The following PPP2R2A variants were observed in gnomAD, a reference collection of about 807,000 sequenced individuals.
PPP2R2A encodes the protein serine/threonine-protein phosphatase 2A 55 kDa regulatory subunit B alpha isoform.
In PPP2R2A, 9 loss-of-function variants were observed where a neutral mutation model predicts 53.2. The ratio of observed to expected loss-of-function variants is 0.17; its 90% CI spans 0.10 to 0.30. PPP2R2A has a LOEUF of 0.30. PPP2R2A is among the 10% of genes least tolerant of loss of function. The pLI is 1.00. For missense variants in PPP2R2A, 235 were observed against 534.6 expected, an observed-to-expected ratio of 0.44 and a Z score of 5.53; for synonymous variants, 169 against 174.2, an observed-to-expected ratio of 0.97 and a Z score of 0.23.
chr8:26,308,941 G>T (rs1802149974), intron 2 of PPP2R2A, among the ~76,000 whole-genome samples: 1 of 152,088 alleles, frequency 6.6e-6, no homozygotes, highest in Admixed American at 6.6e-5. Context: ...GCTCACTGCA[G>T]CCTTGACTTC....
intron 2 of PPP2R2A, among the ~76,000 whole-genome samples, chr8:26,308,203 G>A (rs1204720208): frequency 6.6e-6 from 1 of 152,210 alleles, no homozygotes; most frequent in African/African-American, 2.4e-5. Flanking sequence ...GCCAGTAGAG[G>A]ATCTTATCTT....
intron 2 of PPP2R2A, among the ~76,000 whole-genome samples, chr8:26,305,757 G>A (rs1801988719): frequency 6.6e-6 from 1 of 152,136 alleles, no homozygotes. Context: ...TTTTACAGAT[G>A]ATACTAGAGT....
chr8:26,363,602 T>A, intron 7 of PPP2R2A, 119 bp from the exon 8 acceptor site: 1 of 866,516 alleles, frequency 1.2e-6, no homozygotes, highest in South Asian at 3.0e-5. Flanking sequence ...CAGTTCTTTA[T>A]TAGCCTGGCA....
rs185887956 is a variant in PPP2R2A at position 26,316,073 on chromosome 8, C to T, written c.82+22333C>T. On this transcript the variant is annotated intron_variant, in intron 2 of 9. Transcript: ENST00000380737. Reference sequence around the variant, plus strand: ...AGGCTGGAGTACAACGGTGCGACCTCGGCTCACTGCAGCCTCCGCCTCCTG... The same window carrying T: ...AGGCTGGAGTACAACGGTGCGACCTTGGCTCACTGCAGCCTCCGCCTCCTG... Among the ~76,000 whole-genome samples, 151 of 152,218 alleles carry T rather than the reference C, an allele frequency of 9.9e-4. 1 individual carries two copies. Among genetic ancestry groups the T allele is most frequent in the African/African-American group, 3.4e-3 (143 of 41,526 alleles).
At chr8:26,295,649 C>T (rs998535044) in intron 2 of PPP2R2A, among the ~76,000 whole-genome samples, 2 of 152,086 alleles carry the variant, frequency 1.3e-5, no homozygotes, top group East Asian at 1.9e-4. Context: ...AATATTTTAA[C>T]GTAAGCATAT....
chr8:26,333,477 T>G (rs1344220497), intron 2 of PPP2R2A: 5 of 1,212,242 alleles, frequency 4.1e-6, no homozygotes, highest in Non-Finnish European at 5.4e-6. Context: ...TTTGATTAAT[T>G]TCTTTCAGAT....
intron 2 of PPP2R2A, among the ~76,000 whole-genome samples, chr8:26,301,516 T>A (rs775865542): frequency 6.6e-6 from 1 of 151,922 alleles, no homozygotes; most frequent in African/African-American, 2.4e-5. Flanking sequence ...AAAATTTTTT[T>A]TTGTAGAGAC....
At chr8:26,300,875 C>G (rs1485123941) in intron 2 of PPP2R2A, among the ~76,000 whole-genome samples, 2 of 152,050 alleles carry the variant, frequency 1.3e-5, no homozygotes, top group Non-Finnish European at 1.5e-5. Flanking sequence ...AAGAAAAAGC[C>G]TAGGTGCAAA....
chr8:26,361,094 T>C lies in PPP2R2A; in HGVS notation c.580T>C (p.Ser194Pro), dbSNP rs1192683727. 1 of 1,602,330 alleles carries C rather than the reference T, an allele frequency of 6.2e-7. No individual in the cohort carries two copies. Among genetic ancestry groups the C allele is most frequent in the Non-Finnish European group, 8.5e-7 (1 of 1,177,508 alleles). ...TAATAGTGATTATGAAACATATTTATCTGCAGATGATTTGCGGATTAATCT... is the reference window on the plus strand; with the variant it reads ...TAATAGTGATTATGAAACATATTTACCTGCAGATGATTTGCGGATTAATCT... Reference protein sequence around the residue: ...SINSDYETYLSADDLRINLWH... With the variant: ...SINSDYETYLPADDLRINLWH... The change falls in exon 6 of 10, where the codon TCT becomes CCT. Residue 194 changes from serine to proline, a missense_variant. Around this residue, in one of 3 missense-constraint regions of PPP2R2A, gnomAD observed 181 missense variants for 409.9 expected, o/e 0.44. Coordinates refer to ENST00000380737, the MANE Select transcript of PPP2R2A (RefSeq NM_002717.4).
chr8:26,307,201 C>G lies in PPP2R2A; in HGVS notation c.82+13461C>G, dbSNP rs147165597. Reference sequence around the variant, plus strand: ...GGTTGTACACATTTGGAATTTACATCTAGATGTGTAATTAGTGGACTCTAA... The same window carrying G: ...GGTTGTACACATTTGGAATTTACATGTAGATGTGTAATTAGTGGACTCTAA... On this transcript the variant is annotated intron_variant, in intron 2 of 9. Transcript: ENST00000380737. Among the ~76,000 whole-genome samples the G allele has an allele frequency of 7.2e-5, 11 of 152,268 alleles. No homozygotes were observed. The East Asian group carries it at 1.9e-3, about 27-fold the overall frequency.
In PPP2R2A at chr8:26,363,752, G is replaced by A; in HGVS notation, c.834G>A (p.Arg278=). The A allele has an allele frequency of 6.3e-7, 1 of 1,599,828 alleles. No homozygotes were observed. Among genetic ancestry groups the A allele is most frequent in the East Asian group, 2.2e-5 (1 of 44,584 alleles). ...LFEEPEDPSN[R]SFFSEIISSI... is the part of the protein sequence containing the mutation. ...AAGAACCTGAAGATCCCAGTAACAG[G>A]TCATTTTTTTCCGAAATCATCTCCT... The change falls in exon 8 of 10, where the codon AGG becomes AGA. Residue 278 remains arginine, a synonymous_variant. Transcript: ENST00000380737.
At position 26,360,969 on chromosome 8, in the gene PPP2R2A, G is replaced by T; in HGVS notation, c.460-5G>T. ...ATTTCTGTTTTTCATGTGTCTTATT[G>T]ACAGGTGCCAGTCTTTAGGCCTATG... On this transcript the variant is annotated splice_polypyrimidine_tract_variant and splice_region_variant and intron_variant, in intron 5 of 9. Coordinates refer to ENST00000380737, the MANE Select transcript of PPP2R2A (RefSeq NM_002717.4). This position sits in a 1 kb window ranked among gnomAD's most constrained non-coding sequence, Gnocchi z 4.5. The T allele has an allele frequency of 6.3e-7, 1 of 1,583,262 alleles. No homozygotes were observed. Among genetic ancestry groups the T allele is most frequent in the South Asian group, 1.2e-5 (1 of 84,222 alleles).
intron 9 of PPP2R2A, among the ~76,000 whole-genome samples, chr8:26,369,924 G>T (rs897761642): frequency 6.6e-6 from 1 of 152,116 alleles, no homozygotes; most frequent in Non-Finnish European, 1.5e-5. Context: ...TGATAGTTTT[G>T]GTAGCCATAA....
At chr8:26,308,520 C>A (rs1394383576) in intron 2 of PPP2R2A, among the ~76,000 whole-genome samples, 1 of 152,184 alleles carries the variant, frequency 6.6e-6, no homozygotes, top group Non-Finnish European at 1.5e-5. Flanking sequence ...TCTCAAGAAA[C>A]CATTTTCTTT....
chr8:26,309,377 A>G (rs942046182), intron 2 of PPP2R2A, among the ~76,000 whole-genome samples: 1 of 152,212 alleles, frequency 6.6e-6, no homozygotes, highest in African/African-American at 2.4e-5. Context: ...AAACAGTGCT[A>G]TAAACAGATG....
chr8:26,330,577 G>A (rs767829039), intron 2 of PPP2R2A, among the ~76,000 whole-genome samples: 2 of 151,982 alleles, frequency 1.3e-5, no homozygotes, highest in Non-Finnish European at 2.9e-5. Flanking sequence ...TGATCCACCC[G>A]CCTCAGTGCT....
intron 8 of PPP2R2A, 151 bp from the exon 9 acceptor site, chr8:26,366,164 A>G (rs1805363619): frequency 1.6e-6 from 1 of 617,872 alleles, no homozygotes. Flanking sequence ...AAAAGGACAA[A>G]ATGCCTTTAT....
At position 26,362,930 on chromosome 8, in the gene PPP2R2A, C is replaced by G. The variant is rs1805185318; in HGVS notation, c.802+82C>G. 2 of 1,380,704 alleles carry G rather than the reference C, an allele frequency of 1.4e-6. No individual in the cohort carries two copies. Among genetic ancestry groups the G allele is most frequent in the South Asian group, 1.2e-5 (1 of 80,954 alleles). The allele number at this position is 1,380,704 out of a possible 1,614,324, so 85.5% of individuals were successfully genotyped here. On this transcript the variant is annotated intron_variant, in intron 7 of 9. Transcript: ENST00000380737. The surrounding 1 kb of genome is among the most constrained non-coding windows in gnomAD (Gnocchi z 4.4). ...GCCTCAGACATGATAAGTACAATTA[C>G]AGAGGTTCAAAGTCTTAAACCCGTG...
chr8:26,370,072 T>C lies in PPP2R2A; in HGVS notation c.1065-62T>C. On this transcript the variant is annotated intron_variant, in intron 9 of 9. Coordinates refer to ENST00000380737, the MANE Select transcript of PPP2R2A (RefSeq NM_002717.4). The surrounding 1 kb of genome is among the most constrained non-coding windows in gnomAD (Gnocchi z 6.1). ...TTCCTATGGTTTAATTGCCGAATCA[T>C]TTTACTTGAAAACAATTTCTTGTTC... is the stretch of plus-strand genomic sequence containing the variant. 6.6e-7 allele frequency: 1 copy of C among 1,523,812 alleles called. No individual in the cohort carries two copies. The allele number at this position is 1,523,812 out of a possible 1,614,324, so 94.4% of individuals were successfully genotyped here.
Sources: gnomAD v4.1 joint callset for allele counts (sites outside exome capture counted in the v4.1 genomes callset) on GRCh38, gnomAD v4.1.1 for gene constraint, gnomAD v4.1.1 regional missense constraint, Gnocchi (gnomAD v3.1) non-coding constraint, MANE v1.5 for transcripts, NCBI Gene and HGNC (gene_info 2026-07-23, HGNC 2026-07-21) for gene names.